The following DOCK1 variants were observed in gnomAD, a reference collection of about 807,000 sequenced individuals.
DOCK1 encodes the protein dedicator of cytokinesis 1.
DOCK1 carries 138 observed loss-of-function variants against 262.7 expected under a neutral mutation model. The ratio of observed to expected loss-of-function variants is 0.53; its 90% CI spans 0.46 to 0.61. DOCK1 has a LOEUF of 0.61. DOCK1 is among the 20% of genes least tolerant of loss of function. DOCK1 has a pLI of 0.00. For synonymous variants in DOCK1, 866 were observed against 867.4 expected, an observed-to-expected ratio of 1.00 and a Z score of 0.03; for missense variants, 1,908 against 2,370.7, an observed-to-expected ratio of 0.80 and a Z score of 4.05.
At chr10:127,293,580 T>A (rs1052435657) in intron 29 of DOCK1, among the ~76,000 whole-genome samples, 2 of 152,162 alleles carry the variant, frequency 1.3e-5, no homozygotes, top group African/African-American at 4.8e-5. Context: ...TGCTTCCCCC[T>A]GACCCCATCC....
At chr10:127,321,906 CATCCTG>C (rs2062548508) in intron 29 of DOCK1, among the ~76,000 whole-genome samples, 1 of 151,962 alleles carries the variant, frequency 6.6e-6, no homozygotes, top group Non-Finnish European at 1.5e-5. Flanking sequence ...GGTACAAGAC[CATCCTG>C]GTCAACATGG....
At chr10:127,147,244 G>A (rs923123505) in intron 27 of DOCK1, among the ~76,000 whole-genome samples, 1 of 152,124 alleles carries the variant, frequency 6.6e-6, no homozygotes, top group Admixed American at 6.5e-5. Context: ...CCTGTCTAAG[G>A]GGGAGTGTTC....
chr10:126,948,240 T>TTGG (rs1466605827), intron 1 of DOCK1, among the ~76,000 whole-genome samples: 1 of 35,778 alleles, frequency 2.8e-5, no homozygotes, highest in Non-Finnish European at 6.3e-5. Context: ...AGTATTACTG[T>TTGG]TGGTGGTGAT....
intron 48 of DOCK1, among the ~76,000 whole-genome samples, chr10:127,435,054 C>G (rs1466504011): frequency 6.6e-6 from 1 of 152,116 alleles, no homozygotes; most frequent in African/African-American, 2.4e-5. Context: ...TCTTGAGTAC[C>G]CAATAGTTAA....
At chr10:127,392,102 C>T (rs561190908) in intron 38 of DOCK1, among the ~76,000 whole-genome samples, 15 of 147,358 alleles carry the variant, frequency 1.0e-4, no homozygotes, top group South Asian at 4.4e-4. Context: ...CGGCGTGGAC[C>T]GGCTGCTTCT....
intron 30 of DOCK1, among the ~76,000 whole-genome samples, chr10:127,339,648 TGC>T (rs56813753): frequency 7.3e-4 from 105 of 143,880 alleles, no homozygotes; most frequent in African/African-American, 2.6e-3. Context: ...TGTGTGTGTG[TGC>T]GCGCGCGCAT....
intron 21 of DOCK1, among the ~76,000 whole-genome samples, chr10:127,046,896 C>G (rs1338946011): frequency 1.3e-5 from 2 of 151,638 alleles, no homozygotes; most frequent in African/African-American, 4.8e-5. Context: ...CTGGCCTTTA[C>G]TGGCTCACAA....
intron 30 of DOCK1, among the ~76,000 whole-genome samples, chr10:127,341,762 T>A (rs576492544): frequency 1.1e-4 from 17 of 152,320 alleles, no homozygotes; most frequent in Non-Finnish European, 1.5e-4. Flanking sequence ...ACAAGCCACG[T>A]GCTTCAGGGC....
intron 27 of DOCK1, among the ~76,000 whole-genome samples, chr10:127,243,691 C>T (rs542724558): frequency 5.9e-5 from 9 of 152,296 alleles, no homozygotes; most frequent in Admixed American, 1.3e-4. Context: ...GGAGCAGTGC[C>T]AGGCAGTAGC....
At chr10:127,423,717 T>A (rs188356086) in intron 46 of DOCK1, among the ~76,000 whole-genome samples, 19 of 152,298 alleles carry the variant, frequency 1.2e-4, no homozygotes, top group African/African-American at 4.6e-4. Context: ...GACTGTTGTG[T>A]CCAGGGGTGG....
At chr10:126,981,758 G>A (rs1052115849) in intron 3 of DOCK1, among the ~76,000 whole-genome samples, 160 bp from the exon 4 acceptor site, 1 of 152,104 alleles carries the variant, frequency 6.6e-6, no homozygotes, top group Admixed American at 6.5e-5. Context: ...ATGAGTTGCC[G>A]TCTTTTCTAC....
At chr10:127,092,878 C>T (rs570610624) in intron 23 of DOCK1, among the ~76,000 whole-genome samples, 34 of 152,144 alleles carry the variant, frequency 2.2e-4, no homozygotes, top group Non-Finnish European at 4.4e-4. Flanking sequence ...TGGGAGAATC[C>T]TTGCTTTAAG....
chr10:127,360,750 A>G (rs1358814017), intron 32 of DOCK1, among the ~76,000 whole-genome samples: 1 of 152,132 alleles, frequency 6.6e-6, no homozygotes, highest in Non-Finnish European at 1.5e-5. Context: ...ATCCTGAGAC[A>G]AGCAAACAGG....
At chr10:127,296,622 T>G (rs1590323964) in intron 29 of DOCK1, among the ~76,000 whole-genome samples, 2 of 152,346 alleles carry the variant, frequency 1.3e-5, no homozygotes, top group South Asian at 4.1e-4. Flanking sequence ...AAGTAGTTGC[T>G]GCAGAGTGTG....
chr10:127,062,303 G>A (rs72834655), intron 23 of DOCK1, among the ~76,000 whole-genome samples: 279 of 152,146 alleles, frequency 1.8e-3, no homozygotes, highest in South Asian at 7.1e-3. Flanking sequence ...TGGGACATAC[G>A]CTGATATTTC....
chr10:127,086,497 A>C (rs1247599068), intron 23 of DOCK1, among the ~76,000 whole-genome samples: 1 of 152,244 alleles, frequency 6.6e-6, no homozygotes, highest in African/African-American at 2.4e-5. Context: ...TCTTGCTGGC[A>C]TGAACATAAT....
intron 31 of DOCK1, among the ~76,000 whole-genome samples, chr10:127,348,416 G>A (rs1307694427): frequency 6.6e-6 from 1 of 152,222 alleles, no homozygotes; most frequent in Non-Finnish European, 1.5e-5. Flanking sequence ...GTGCATCCTG[G>A]TGTGGGACAG....
chr10:127,413,951 G>A (rs961034956), intron 43 of DOCK1, among the ~76,000 whole-genome samples: 1 of 151,188 alleles, frequency 6.6e-6, no homozygotes, highest in Non-Finnish European at 1.5e-5. Context: ...TTGCTCTGTT[G>A]CCTAGGCTGA....
chr10:127,207,400 A>T (rs968143281), intron 27 of DOCK1, among the ~76,000 whole-genome samples: 4 of 152,330 alleles, frequency 2.6e-5, no homozygotes, highest in South Asian at 4.1e-4. Context: ...ATACCAGATA[A>T]ACAGTTCAAA....
Sources: allele counts gnomAD v4.1 joint callset (sites outside exome capture counted in the v4.1 genomes callset), GRCh38; gene constraint gnomAD v4.1.1; transcripts MANE v1.5; gene names NCBI Gene and HGNC (gene_info 2026-07-23, HGNC 2026-07-21).